The following MAML3 variants were observed in gnomAD, a reference collection of about 807,000 sequenced individuals.
MAML3 encodes the protein mastermind like transcriptional coactivator 3.
In MAML3, 27 loss-of-function variants were observed where a neutral mutation model predicts 101.9. The ratio of observed to expected loss-of-function variants is 0.27; its 90% CI spans 0.20 to 0.37. The LOEUF is 0.37. MAML3 is among the 10% of genes least tolerant of loss of function. The pLI is 1.00. For missense variants in MAML3, 1,316 were observed against 1,444.9 expected (o/e 0.91, Z 1.45); for synonymous variants, 501 against 555.9 (o/e 0.90, Z 1.39).
intron 3 of MAML3, among the ~76,000 whole-genome samples, chr4:139,729,155 G>GC (rs1728596789): frequency 1.6e-4 from 1 of 6,372 alleles, no homozygotes; most frequent in African/African-American, 6.1e-4. Context: ...AGGAACAAAA[G>GC]CAAAAAAAAA....
intron 1 of MAML3, among the ~76,000 whole-genome samples, chr4:139,915,963 C>G (rs1733021020): frequency 6.6e-6 from 1 of 152,210 alleles, no homozygotes; most frequent in Non-Finnish European, 1.5e-5. Context: ...AAACAGCAAG[C>G]TTTTCTTGTG....
intron 1 of MAML3, among the ~76,000 whole-genome samples, chr4:139,929,237 T>C (rs913712038): frequency 6.6e-6 from 1 of 152,194 alleles, no homozygotes; most frequent in African/African-American, 2.4e-5. Flanking sequence ...CTGTTACTTT[T>C]TAGCAGCACT....
chr4:139,719,102 T>C lies in MAML3; in HGVS notation c.*221A>G. 1.9e-6 allele frequency: 1 copy of C among 535,690 alleles called. No individual in the cohort carries two copies. Among genetic ancestry groups the C allele is most frequent in the Non-Finnish European group, 3.2e-6 (1 of 312,552 alleles). The allele number at this position is 535,690 out of a possible 1,614,324, so 33.2% of individuals were successfully genotyped here. A position where few individuals can be genotyped will look rare whatever the true frequency, so the allele number is the denominator to read the frequency against. Reference sequence around the variant, plus strand: ...GTGTCTCCCTCTCTCGCAGCCGGGATCTGCATGGCGTCTCATCTCGATTGC... The same window carrying C: ...GTGTCTCCCTCTCTCGCAGCCGGGACCTGCATGGCGTCTCATCTCGATTGC... On this transcript the variant is annotated 3_prime_UTR_variant, in exon 5 of 5. Coordinates refer to ENST00000509479, the MANE Select transcript of MAML3 (RefSeq NM_018717.5).
chr4:140,114,384 A>C (rs1728485410), intron 1 of MAML3, among the ~76,000 whole-genome samples: 1 of 152,254 alleles, frequency 6.6e-6, no homozygotes, highest in Non-Finnish European at 1.5e-5. Flanking sequence ...TGAATTAAAG[A>C]CTGTAGCCAA....
At chr4:140,081,802 G>A (rs182801219) in intron 1 of MAML3, among the ~76,000 whole-genome samples, 2 of 152,240 alleles carry the variant, frequency 1.3e-5, no homozygotes, top group African/African-American at 4.8e-5. Flanking sequence ...CATAAACAAG[G>A]CCTCTTCCCA....
intron 2 of MAML3, among the ~76,000 whole-genome samples, chr4:139,761,749 G>A (rs1016843907): frequency 1.4e-4 from 21 of 152,138 alleles, no homozygotes; most frequent in Non-Finnish European, 2.9e-4. Flanking sequence ...GGCAAGTGCA[G>A]TGATAGAGAT....
intron 1 of MAML3, among the ~76,000 whole-genome samples, chr4:140,126,350 C>T (rs1240924088): frequency 6.6e-6 from 1 of 152,126 alleles, no homozygotes; most frequent in African/African-American, 2.4e-5. Context: ...TCCACTGCCT[C>T]TACTGACACC....
At chr4:140,054,660 T>G (rs564424271) in intron 1 of MAML3, among the ~76,000 whole-genome samples, 3 of 152,326 alleles carry the variant, frequency 2.0e-5, no homozygotes, top group Admixed American at 2.0e-4. Flanking sequence ...TATGACAGTA[T>G]GGGGAAATCT....
chr4:139,842,509 CATTTTTATTTTT>C (rs995796785), intron 2 of MAML3, among the ~76,000 whole-genome samples: 1 of 122,126 alleles, frequency 8.2e-6, no homozygotes, highest in Admixed American at 7.9e-5. Flanking sequence ...AGAAAGGAGG[CATTTTTATTTTT>C]ATTTTTATTT....
chr4:139,912,455 A>G (rs1015006436), intron 1 of MAML3, among the ~76,000 whole-genome samples: 6 of 152,360 alleles, frequency 3.9e-5, no homozygotes, highest in African/African-American at 1.4e-4. Flanking sequence ...TGAGCTCTGA[A>G]GCAGAAGTCT....
intron 2 of MAML3, among the ~76,000 whole-genome samples, chr4:139,861,020 G>A (rs566399673): frequency 1.1e-4 from 17 of 152,048 alleles, no homozygotes; most frequent in African/African-American, 3.6e-4. Context: ...TACAATACAT[G>A]TATATACATA....
intron 1 of MAML3, among the ~76,000 whole-genome samples, chr4:139,945,839 A>G (rs1429564623): frequency 6.6e-6 from 1 of 152,208 alleles, no homozygotes; most frequent in Non-Finnish European, 1.5e-5. Flanking sequence ...GCATTTATTC[A>G]GGCAGTGGTT....
At chr4:140,065,277 T>C (rs1426117141) in intron 1 of MAML3, among the ~76,000 whole-genome samples, 1 of 151,816 alleles carries the variant, frequency 6.6e-6, no homozygotes, top group Non-Finnish European at 1.5e-5. Context: ...TATTTGGACT[T>C]ACGGTTTGCT....
intron 1 of MAML3, among the ~76,000 whole-genome samples, chr4:140,071,156 G>A (rs1297918454): frequency 6.6e-6 from 1 of 152,152 alleles, no homozygotes; most frequent in Admixed American, 6.5e-5. Context: ...AAAACAACTG[G>A]CGTTTCTCAC....
At chr4:139,759,870 T>C (rs1729719280) in intron 2 of MAML3, among the ~76,000 whole-genome samples, 1 of 152,230 alleles carries the variant, frequency 6.6e-6, no homozygotes, top group Admixed American at 6.5e-5. Flanking sequence ...AACATGATAT[T>C]GATTTCTTGC....
intron 1 of MAML3, among the ~76,000 whole-genome samples, chr4:140,095,736 A>G (rs956442561): frequency 2.6e-5 from 4 of 151,540 alleles, no homozygotes; most frequent in Non-Finnish European, 4.4e-5. Context: ...CACCCACTCA[A>G]TCCTTGCAGC....
intron 1 of MAML3, among the ~76,000 whole-genome samples, chr4:140,096,072 A>G (rs1728156661): frequency 6.6e-6 from 1 of 152,202 alleles, no homozygotes; most frequent in Non-Finnish European, 1.5e-5. Context: ...GATGCTCTCT[A>G]TTACCTACCA....
intron 1 of MAML3, among the ~76,000 whole-genome samples, chr4:140,094,665 C>T (rs1344492321): frequency 6.6e-6 from 1 of 152,186 alleles, no homozygotes; most frequent in Non-Finnish European, 1.5e-5. Flanking sequence ...ACGTGAACTT[C>T]CTAATTAAGG....
intron 1 of MAML3, among the ~76,000 whole-genome samples, chr4:139,974,138 C>T (rs1734278372): frequency 6.9e-6 from 1 of 145,218 alleles, no homozygotes; most frequent in African/African-American, 2.6e-5. Context: ...CAGAGTCTCG[C>T]TCTATCACCC....
Sources: gnomAD v4.1 joint callset for allele counts (sites outside exome capture counted in the v4.1 genomes callset) on GRCh38, gnomAD v4.1.1 for gene constraint, MANE v1.5 for transcripts, NCBI Gene and HGNC (gene_info 2026-07-23, HGNC 2026-07-21) for gene names.